Variants in RBFOX3 observed in about 807,000 individuals in gnomAD.
The protein encoded by RBFOX3 is RNA binding fox-1 homolog 3, also known as RNA binding protein fox-1 homolog 3.
Under a neutral mutation model 48.7 loss-of-function variants are expected in RBFOX3, and 17 were observed. The ratio of observed to expected loss-of-function variants is 0.35; its 90% CI spans 0.24 to 0.52. The LOEUF (loss-of-function observed/expected upper bound fraction) is 0.52. Ranked by LOEUF, RBFOX3 falls within the 20% of genes least tolerant of loss-of-function variation. The pLI is 0.94. For synonymous variants in RBFOX3, 212 were observed against 209.5 expected, an observed-to-expected ratio of 1.01 and a Z score of -0.10; for missense variants, 382 against 497.5, an observed-to-expected ratio of 0.77 and a Z score of 2.21.
chr17:79,493,599 G>C (rs2081017944), intron 1 of RBFOX3, among the ~76,000 whole-genome samples: 3 of 152,090 alleles, frequency 2.0e-5, no homozygotes, highest in Admixed American at 6.6e-5. Flanking sequence ...CCCAACCCCA[G>C]TTTCCCGGTC....
intron 2 of RBFOX3, among the ~76,000 whole-genome samples, chr17:79,426,203 G>A (rs957163580): frequency 9.2e-5 from 14 of 152,146 alleles, no homozygotes; most frequent in African/African-American, 2.2e-4. Flanking sequence ...TCCCCAGGTC[G>A]TGGGGCCCAC....
At chr17:79,152,331 G>A (rs1401128000) in intron 4 of RBFOX3, among the ~76,000 whole-genome samples, 1 of 152,176 alleles carries the variant, frequency 6.6e-6, no homozygotes, top group Non-Finnish European at 1.5e-5. Flanking sequence ...GCTGCTTCGG[G>A]TCAGCAAACG....
intron 4 of RBFOX3, among the ~76,000 whole-genome samples, chr17:79,150,868 G>A (rs528313888): frequency 6.6e-6 from 1 of 152,312 alleles, no homozygotes; most frequent in Admixed American, 6.5e-5. Context: ...GTCCCCGTGT[G>A]CGCAATGGGA....
At chr17:79,597,360 G>A (rs1170951077) in intron 1 of RBFOX3, among the ~76,000 whole-genome samples, 1 of 152,166 alleles carries the variant, frequency 6.6e-6, no homozygotes, top group East Asian at 1.9e-4. Flanking sequence ...GACAGACACA[G>A]TCCTCCTACA....
intron 2 of RBFOX3, among the ~76,000 whole-genome samples, chr17:79,379,009 G>A (rs1298086484): frequency 6.6e-6 from 1 of 152,176 alleles, no homozygotes; most frequent in Admixed American, 6.5e-5. Context: ...CCAGCCCTGG[G>A]TCTGACTCTG....
chr17:79,216,331 A>G (rs1357132172), intron 4 of RBFOX3, among the ~76,000 whole-genome samples: 1 of 152,138 alleles, frequency 6.6e-6, no homozygotes, highest in Non-Finnish European at 1.5e-5. Flanking sequence ...GAGGAAGTGT[A>G]CCCACCTGAC....
intron 2 of RBFOX3, among the ~76,000 whole-genome samples, chr17:79,461,837 G>A (rs898787482): frequency 1.3e-5 from 2 of 152,358 alleles, no homozygotes; most frequent in East Asian, 3.9e-4. Flanking sequence ...CACAGAGGTA[G>A]AGGCTGGAGG....
At chr17:79,573,623 T>G (rs2092758431) in intron 1 of RBFOX3, among the ~76,000 whole-genome samples, 1 of 152,212 alleles carries the variant, frequency 6.6e-6, no homozygotes, top group South Asian at 2.1e-4. Context: ...GACCACTTGA[T>G]GTGAATGATT....
chr17:79,146,640 G>C (rs1284353608), intron 4 of RBFOX3, among the ~76,000 whole-genome samples: 1 of 152,234 alleles, frequency 6.6e-6, no homozygotes, highest in Non-Finnish European at 1.5e-5. Flanking sequence ...CTGAGGGGCT[G>C]GTCTGTGTGT....
At chr17:79,624,057 A>G in the RBFOX3 span, among the ~76,000 whole-genome samples, 1 of 152,192 alleles carries the variant, frequency 6.6e-6, no homozygotes, top group South Asian at 2.1e-4. Context: ...GCCTTTCTGC[A>G]TTTTAGCCCA....
In RBFOX3 at chr17:79,560,545, G is replaced by A. The variant is rs1043297562; in HGVS notation, c.-320+50281C>T. 7.5e-3 allele frequency among the ~76,000 whole-genome samples: 1,141 copies of A among 152,210 alleles called. 9 individuals are homozygous for A. Among genetic ancestry groups the A allele is most frequent in the African/African-American group, 0.027 (1,103 of 41,504 alleles). On this transcript the variant is annotated intron_variant, in intron 1 of 14. Transcript: ENST00000693108. The stretch of plus-strand genomic sequence containing the variant: ...CCTAATGAGCAGCTACTGCCCACCC[G>A]ACCATGGCGTGTCCAGGAACATTGA...
chr17:79,284,612 T>C (rs1333187174), intron 3 of RBFOX3, among the ~76,000 whole-genome samples: 2 of 150,284 alleles, frequency 1.3e-5, no homozygotes, highest in African/African-American at 4.9e-5. Flanking sequence ...TGATCTCGAC[T>C]TACTGCAACC....
intron 4 of RBFOX3, among the ~76,000 whole-genome samples, chr17:79,153,007 G>A (rs998237090): frequency 6.6e-6 from 1 of 152,168 alleles, no homozygotes; most frequent in Non-Finnish European, 1.5e-5. Context: ...CAGATACCCC[G>A]CCCCACCCTA....
intron 1 of RBFOX3, among the ~76,000 whole-genome samples, chr17:79,540,411 G>A (rs555802776): frequency 1.3e-4 from 20 of 152,350 alleles, no homozygotes; most frequent in African/African-American, 4.3e-4. Flanking sequence ...GGCACACAGT[G>A]GAGGGGCTGG....
chr17:79,553,087 T>C (rs2091305268), intron 1 of RBFOX3, among the ~76,000 whole-genome samples: 1 of 152,222 alleles, frequency 6.6e-6, no homozygotes, highest in Non-Finnish European at 1.5e-5. Flanking sequence ...TTTTCTTAAC[T>C]TCAGTGTTTC....
intron 1 of RBFOX3, among the ~76,000 whole-genome samples, chr17:79,566,135 C>G (rs1376115478): frequency 3.3e-5 from 5 of 152,150 alleles, no homozygotes; most frequent in African/African-American, 1.2e-4. Flanking sequence ...CCACAAGGAA[C>G]AGGGAGAAGG....
the RBFOX3 span, among the ~76,000 whole-genome samples, chr17:79,625,540 C>A: frequency 6.6e-6 from 1 of 152,158 alleles, no homozygotes; most frequent in Non-Finnish European, 1.5e-5. Flanking sequence ...CCTGTAATCC[C>A]AGCATTTTGG....
chr17:79,550,442 A>T (rs1436452970), intron 1 of RBFOX3, among the ~76,000 whole-genome samples: 2 of 64,032 alleles, frequency 3.1e-5, no homozygotes, highest in East Asian at 7.8e-4. Flanking sequence ...AGCTCATGGT[A>T]AGGAAGTACA....
At chr17:79,469,791 C>T (rs1429973219) in intron 2 of RBFOX3, among the ~76,000 whole-genome samples, 4 of 152,128 alleles carry the variant, frequency 2.6e-5, no homozygotes, top group African/African-American at 7.2e-5. Context: ...CAGAAGAACA[C>T]GCATGAAGGA....
Sources: allele counts gnomAD v4.1 joint callset (sites outside exome capture counted in the v4.1 genomes callset), GRCh38; gene constraint gnomAD v4.1.1; transcripts MANE v1.5; gene names NCBI Gene and HGNC (gene_info 2026-07-23, HGNC 2026-07-21).